ARNT2: variants seen among roughly 807,000 people sequenced by gnomAD.
The protein encoded by ARNT2 is aryl hydrocarbon receptor nuclear translocator 2, also known as ARNT protein 2.
ARNT2 carries 36 observed loss-of-function variants against 91.7 expected under a neutral mutation model. The observed-to-expected ratio is 0.39, with a 90% CI of 0.30 to 0.52. The LOEUF (loss-of-function observed/expected upper bound fraction) is 0.52, where lower values mean the gene tolerates loss of function less well. Ranked by LOEUF, ARNT2 falls within the 20% of genes least tolerant of loss-of-function variation. The pLI, the probability that ARNT2 is intolerant of heterozygous loss-of-function variation, is 0.72. For synonymous variants in ARNT2, 365 were observed against 347.1 expected, an observed-to-expected ratio of 1.05 and a Z score of -0.57; for missense variants, 775 against 939.3, an observed-to-expected ratio of 0.83 and a Z score of 2.29.
intron 1 of ARNT2, among the ~76,000 whole-genome samples, chr15:80,427,694 C>T (rs574996204): frequency 1.1e-3 from 166 of 152,268 alleles, no homozygotes; most frequent in African/African-American, 3.8e-3. Context: ...GTAGTCACAG[C>T]GAGAATCCTT....
intron 8 of ARNT2, among the ~76,000 whole-genome samples, chr15:80,536,493 C>A (rs1008064200): frequency 6.6e-6 from 1 of 152,172 alleles, no homozygotes; most frequent in African/African-American, 2.4e-5. Context: ...ACATGTGTAG[C>A]CCCCAGGTAC....
chr15:80,580,472 A>T lies in ARNT2; in HGVS notation c.1675A>T (p.Asn559Tyr). The part of the protein sequence containing the change: ...DIQSSSSTGQ[N>Y]MSQISRQLNQ... ...TCAGTCCTCTTCTTCCACGGGCCAGAACATGTCCCAAATCTCCCGGCAGCT... is the reference window on the plus strand; with the variant it reads ...TCAGTCCTCTTCTTCCACGGGCCAGTACATGTCCCAAATCTCCCGGCAGCT... Residue 559 changes from asparagine (N) to tyrosine (Y), a missense_variant, in exon 16 of 19, where the codon AAC (asparagine) becomes TAC (tyrosine). Transcript: ENST00000303329. 6.2e-7 allele frequency: 1 copy of T among 1,614,180 alleles called. No individual in the cohort carries two copies. Among genetic ancestry groups the T allele is most frequent in the Non-Finnish European group, 8.5e-7 (1 of 1,180,028 alleles).
chr15:80,475,966 A>G (rs964984308), intron 5 of ARNT2, among the ~76,000 whole-genome samples: 3 of 152,246 alleles, frequency 2.0e-5, no homozygotes, highest in African/African-American at 7.2e-5. Context: ...CATGCAATTC[A>G]AAACTATAGG....
At chr15:80,585,456 G>A (rs1294034048) in intron 17 of ARNT2, among the ~76,000 whole-genome samples, 3 of 152,192 alleles carry the variant, frequency 2.0e-5, no homozygotes, top group Non-Finnish European at 4.4e-5. Context: ...AATAATAAAT[G>A]TGGGCAGCAG....
intron 1 of ARNT2, among the ~76,000 whole-genome samples, chr15:80,446,206 G>T (rs1051600896): frequency 6.6e-6 from 1 of 152,176 alleles, no homozygotes; most frequent in East Asian, 1.9e-4. Context: ...GTACATACAG[G>T]TATAATGTCT....
At chr15:80,559,613 T>C (rs963388339) in intron 11 of ARNT2, among the ~76,000 whole-genome samples, 2 of 152,186 alleles carry the variant, frequency 1.3e-5, no homozygotes, top group African/African-American at 4.8e-5. Context: ...TGTGAGGAAT[T>C]TGAGTTTGAG....
Position 80,470,203 on chromosome 15 carries a change from G to T in ARNT2, c.195-15G>T, listed in dbSNP as rs149905056. On this transcript the variant is annotated splice_polypyrimidine_tract_variant and intron_variant, in intron 3 of 18. Coordinates refer to ENST00000303329, the MANE Select transcript of ARNT2 (RefSeq NM_014862.4). ...TCTTTTTTCCCCCTCTCCTGATCTC[G>T]TGCTTTCTGGAAAGAGAGAATCATA... 1 of 1,610,828 alleles carries T rather than the reference G, an allele frequency of 6.2e-7. No homozygotes were observed. The highest frequency in any genetic ancestry group is 8.5e-7 in the Non-Finnish European group (1 of 1,178,006).
Position 80,576,912 on chromosome 15 carries a change from G to T in ARNT2, c.1560G>T (p.Gln520His). ...CAGCCTCTGCAGCAGGAACCCAGCA[G>T]ATCTACTCCCAAGGAAGCCCATTTC... is the stretch of plus-strand genomic sequence containing the variant. ...MSSASAAGTQ[Q>H]IYSQGSPFPS... The change falls in exon 15 of 19, where the codon CAG becomes CAT. Residue 520 changes from glutamine (Q) to histidine (H), a missense_variant. By Grantham distance (24) the Gln-to-His change is conservative. Around this residue, in one of 5 missense-constraint regions of ARNT2, gnomAD observed 325 missense variants for 359.9 expected, o/e 0.90. Transcript: ENST00000303329. 1 of 1,614,126 alleles carries T rather than the reference G, an allele frequency of 6.2e-7. No homozygotes were observed. Among genetic ancestry groups the T allele is most frequent in the Non-Finnish European group, 8.5e-7 (1 of 1,180,024 alleles).
rs147917381 is a variant in ARNT2, at chr15:80,427,144, G to A, written c.31+22598G>A. On this transcript the variant is annotated intron_variant, in intron 1 of 18. Coordinates refer to ENST00000303329, the MANE Select transcript of ARNT2 (RefSeq NM_014862.4). ...CTGTTGGATGATATCGTAGTGACCC[G>A]TGTTTGGGGCAATAAGGTAATAAAT... Among the ~76,000 whole-genome samples the A allele has an allele frequency of 1.4e-4, 21 of 152,242 alleles. No individual in the cohort carries two copies. In the East Asian group the frequency reaches 2.1e-3, roughly 15 times the overall value.
chr15:80,513,231 G>T (rs1897371519), intron 6 of ARNT2, among the ~76,000 whole-genome samples: 1 of 152,236 alleles, frequency 6.6e-6, no homozygotes, highest in Admixed American at 6.5e-5. Context: ...GAGATGCTGA[G>T]AGGATCATTG....
rs148944978 is a variant in ARNT2, at chr15:80,509,256, A to C, written c.725+998A>C. On this transcript the variant is annotated intron_variant, in intron 6 of 18. Transcript: ENST00000303329. ...CAGGGGTTTGAGACCAGCCTGGCCA[A>C]AATGGTGAAACCCTGTCTTTATTAA... Among the ~76,000 whole-genome samples the C allele has an allele frequency of 2.5e-3, 382 of 152,192 alleles. 1 individual carries two copies. The highest frequency in any genetic ancestry group is 8.7e-3 in the African/African-American group (360 of 41,530).
At chr15:80,495,532 G>A (rs1566987089) in intron 5 of ARNT2, among the ~76,000 whole-genome samples, 1 of 152,222 alleles carries the variant, frequency 6.6e-6, no homozygotes. Flanking sequence ...TTTTAGAAGG[G>A]AATGTGGCCT....
intron 8 of ARNT2, among the ~76,000 whole-genome samples, chr15:80,516,894 G>T (rs1489222199): frequency 8.1e-6 from 1 of 123,254 alleles, no homozygotes; most frequent in Non-Finnish European, 1.6e-5. Flanking sequence ...CATGTATAGT[G>T]CAGGCACCTT....
intron 8 of ARNT2, among the ~76,000 whole-genome samples, chr15:80,526,634 G>A (rs1237282380): frequency 6.6e-6 from 1 of 152,204 alleles, no homozygotes; most frequent in Non-Finnish European, 1.5e-5. Flanking sequence ...TCAGGAGGAG[G>A]TTCGGGTGTT....
At chr15:80,447,643 C>T (rs78379590) in intron 1 of ARNT2, among the ~76,000 whole-genome samples, 6,260 of 152,196 alleles carry the variant, frequency 0.041, 164 homozygotes, top group South Asian at 0.092. Context: ...GAAAAGATGC[C>T]AGATTTGGGA....
chr15:80,506,746 C>A (rs1449493615), intron 5 of ARNT2, among the ~76,000 whole-genome samples: 1 of 152,138 alleles, frequency 6.6e-6, no homozygotes, highest in Non-Finnish European at 1.5e-5. Flanking sequence ...CCAAGGGTCC[C>A]TGGGAGAGAG....
At chr15:80,465,855 C>T (rs1254525001) in intron 3 of ARNT2, among the ~76,000 whole-genome samples, 6 of 152,312 alleles carry the variant, frequency 3.9e-5, no homozygotes, top group South Asian at 2.1e-4. Context: ...CTCTCCCCAT[C>T]GCACACTCTC....
At chr15:80,465,941 C>A (rs998548335) in intron 3 of ARNT2, among the ~76,000 whole-genome samples, 9 of 152,220 alleles carry the variant, frequency 5.9e-5, no homozygotes, top group African/African-American at 2.2e-4. Flanking sequence ...CTCTCTGTTG[C>A]CCCTGCTTTT....
intron 1 of ARNT2, among the ~76,000 whole-genome samples, chr15:80,406,915 TG>T (rs113784943): frequency 5.9e-5 from 9 of 152,262 alleles, no homozygotes; most frequent in African/African-American, 2.2e-4. Context: ...TCTTTTTCTT[TG>T]GGAGAAAGGG....
Sources: gnomAD v4.1 joint callset for allele counts (sites outside exome capture counted in the v4.1 genomes callset) on GRCh38, gnomAD v4.1.1 for gene constraint, gnomAD v4.1.1 regional missense constraint, MANE v1.5 for transcripts, NCBI Gene and HGNC (gene_info 2026-07-23, HGNC 2026-07-21) for gene names.